Variants in POM121C observed in about 807,000 individuals in gnomAD.
POM121C encodes the protein POM121 transmembrane nucleoporin C, also known as nuclear envelope pore membrane protein POM 121C.
A neutral mutation model predicts 66.4 loss-of-function variants in POM121C; 20 were observed. The ratio of observed to expected loss-of-function variants is 0.30; its 90% CI spans 0.21 to 0.44. POM121C has a LOEUF of 0.44. POM121C is among the 20% of genes least tolerant of loss of function. POM121C has a pLI of 1.00. For synonymous variants in POM121C, 286 were observed against 528.0 expected, an observed-to-expected ratio of 0.54 and a Z score of 6.28; for missense variants, 580 against 1,225.7, an observed-to-expected ratio of 0.47 and a Z score of 7.87.
intron 3 of POM121C, among the ~76,000 whole-genome samples, chr7:75,470,982 G>A (rs1211748144): frequency 6.6e-6 from 1 of 151,620 alleles, no homozygotes; most frequent in African/African-American, 2.4e-5. Context: ...TTAAATGGAA[G>A]CACAATCTGA....
intron 7 of POM121C, among the ~76,000 whole-genome samples, chr7:75,431,354 A>T (rs1343050008): frequency 6.6e-6 from 1 of 152,136 alleles, no homozygotes; most frequent in Non-Finnish European, 1.5e-5. Flanking sequence ...CTGTAATCCC[A>T]GCACTTTGGG....
At chr7:75,431,075 A>C (rs1270793144) in intron 7 of POM121C, among the ~76,000 whole-genome samples, 1,579 of 11,270 alleles carry the variant, frequency 0.14, 34 homozygotes, top group African/African-American at 0.34. Flanking sequence ...ACTCTGTCTC[A>C]AAAAAAAAAA....
chr7:75,481,157 T>C lies in POM121C; in HGVS notation c.-458+4707A>G, dbSNP rs587675082. ...AAGTATCTGGGATTTCTTTGTAAAA[T>C]CCTTGCAATTTTTCTGAAAATCTGA... On this transcript the variant is annotated intron_variant, in intron 1 of 14. Coordinates refer to ENST00000615331, the MANE Select transcript of POM121C (RefSeq NM_001099415.3). Among the ~76,000 whole-genome samples, 182 of 149,988 alleles carry C rather than the reference T, an allele frequency of 1.2e-3. 2 individuals are homozygous for C. Among genetic ancestry groups the C allele is most frequent in the Middle Eastern group, 0.011 (3 of 280 alleles).
At chr7:75,438,403 CTCACT>C (rs1554473323) in intron 6 of POM121C, among the ~76,000 whole-genome samples, 1 of 152,168 alleles carries the variant, frequency 6.6e-6, no homozygotes, top group Non-Finnish European at 1.5e-5. Context: ...TTGTCCTTCC[CTCACT>C]TATTTCTTTA....
chr7:75,438,516 C>T (rs1389926691), intron 6 of POM121C, among the ~76,000 whole-genome samples: 2 of 152,216 alleles, frequency 1.3e-5, no homozygotes, highest in African/African-American at 4.8e-5. Flanking sequence ...ATCTCCTTAA[C>T]ATCTTCGTTG....
chr7:75,467,726 G>A (rs1791708974), intron 3 of POM121C, among the ~76,000 whole-genome samples: 1 of 152,024 alleles, frequency 6.6e-6, no homozygotes, highest in African/African-American at 2.4e-5. Flanking sequence ...ACCACTCTGT[G>A]CTAGGTATTG....
In POM121C at chr7:75,439,237, A is replaced by G. The variant is rs367548077; in HGVS notation, c.228-13T>C. 79 of 1,614,024 alleles carry G rather than the reference A, an allele frequency of 4.9e-5. 1 individual carries two copies. Among genetic ancestry groups the G allele is most frequent in the Non-Finnish European group, 6.6e-5 (78 of 1,179,970 alleles). The stretch of plus-strand genomic sequence containing the variant: ...GCTATCATGGCGCCTGCGACAAATC[A>G]AAAAAGTCTCAAATGAAATGACATG... On this transcript the variant is annotated splice_polypyrimidine_tract_variant and intron_variant, in intron 5 of 14. Coordinates refer to ENST00000615331, the MANE Select transcript of POM121C (RefSeq NM_001099415.3).
In POM121C at chr7:75,424,509, C is replaced by T. The variant is rs187379620; in HGVS notation, c.871+17G>A. 40 of 1,611,892 alleles carry T rather than the reference C, an allele frequency of 2.5e-5. No homozygotes were observed. In the Admixed American group the frequency reaches 2.5e-4, roughly 10 times the overall value. The stretch of plus-strand genomic sequence containing the variant: ...CACCTGAAACCTCTCGAGAGTGCAA[C>T]GATCTGTGCTCCTTACCACTCTTGT... On this transcript the variant is annotated intron_variant, in intron 11 of 14. Transcript: ENST00000615331.
At chr7:75,436,450 C>T (rs782240705) in intron 7 of POM121C, among the ~76,000 whole-genome samples, 1 of 152,090 alleles carries the variant, frequency 6.6e-6, no homozygotes, top group Non-Finnish European at 1.5e-5. Flanking sequence ...GTTTGCTTAT[C>T]AAAAATAATA....
chr7:75,466,519 C>A (rs782363699), intron 3 of POM121C, among the ~76,000 whole-genome samples: 2 of 151,640 alleles, frequency 1.3e-5, no homozygotes, highest in Non-Finnish European at 1.5e-5. Context: ...GTAGGAGAAT[C>A]GCTTGAACCC....
At chr7:75,461,975 C>A in intron 3 of POM121C, among the ~76,000 whole-genome samples, 1 of 148,326 alleles carries the variant, frequency 6.7e-6, no homozygotes, top group Non-Finnish European at 1.5e-5. Context: ...AAGTCCCCAT[C>A]CCCCCACAGA....
intron 6 of POM121C, 25 bp from the exon 7 acceptor site, chr7:75,437,711 T>G (rs1554473216): frequency 6.4e-7 from 1 of 1,560,196 alleles, no homozygotes. Flanking sequence ...GACAGTTAGA[T>G]GCTTTATTGA....
intron 3 of POM121C, among the ~76,000 whole-genome samples, chr7:75,472,229 G>C (rs781883110): frequency 4.0e-4 from 60 of 151,748 alleles, no homozygotes; most frequent in Non-Finnish European, 6.2e-4. Context: ...TAAATGAAGG[G>C]GGCTGGGTGC....
Sources: gnomAD v4.1 joint callset for allele counts (sites outside exome capture counted in the v4.1 genomes callset) on GRCh38, gnomAD v4.1.1 for gene constraint, MANE v1.5 for transcripts, NCBI Gene and HGNC (gene_info 2026-07-23, HGNC 2026-07-21) for gene names.